HCN1: variants seen among roughly 807,000 people sequenced by gnomAD.
HCN1 encodes the protein potassium/sodium hyperpolarization-activated cyclic nucleotide-gated channel 1.
A neutral mutation model predicts 78.9 loss-of-function variants in HCN1; 13 were observed. That is an observed-to-expected ratio of 0.16 (90% confidence interval 0.11 to 0.26). HCN1 has a LOEUF of 0.26. HCN1 is among the 10% of genes least tolerant of loss of function. The pLI, the probability that HCN1 is intolerant of heterozygous loss-of-function variation, is 1.00. For synonymous variants in HCN1, 552 were observed against 455.5 expected (o/e 1.21, Z -2.70); for missense variants, 810 against 1,154.3 (o/e 0.70, Z 4.32).
chr5:45,605,233 T>C (rs1744700360), intron 2 of HCN1, among the ~76,000 whole-genome samples: 1 of 152,006 alleles, frequency 6.6e-6, no homozygotes, highest in South Asian at 2.1e-4. Context: ...TAACCTACTA[T>C]CTAACAACTT....
intron 6 of HCN1, among the ~76,000 whole-genome samples, chr5:45,280,471 G>T (rs779099287): frequency 2.0e-5 from 3 of 152,114 alleles, no homozygotes; most frequent in Admixed American, 2.0e-4. Context: ...GACATTTTGG[G>T]CCAGATAATT....
intron 5 of HCN1, among the ~76,000 whole-genome samples, chr5:45,329,564 C>T (rs1746304481): frequency 6.6e-6 from 1 of 151,316 alleles, no homozygotes; most frequent in Non-Finnish European, 1.5e-5. Context: ...TTTTAATGAA[C>T]ATATTGTACA....
At chr5:45,456,357 T>C (rs1175526492) in intron 3 of HCN1, among the ~76,000 whole-genome samples, 2 of 152,028 alleles carry the variant, frequency 1.3e-5, no homozygotes, top group East Asian at 1.9e-4. Flanking sequence ...AAAATGCTGA[T>C]AATTACCATT....
chr5:45,502,996 A>G (rs894957589), intron 2 of HCN1, among the ~76,000 whole-genome samples: 1 of 152,222 alleles, frequency 6.6e-6, no homozygotes, highest in Non-Finnish European at 1.5e-5. Flanking sequence ...AAAATACAAC[A>G]CAATAGTTAA....
intron 1 of HCN1, among the ~76,000 whole-genome samples, chr5:45,650,838 C>T (rs1489973476): frequency 2.0e-5 from 3 of 151,900 alleles, no homozygotes; most frequent in Non-Finnish European, 4.4e-5. Flanking sequence ...GAGAACTCCT[C>T]CTTGTTCCTA....
intron 2 of HCN1, among the ~76,000 whole-genome samples, chr5:45,464,383 T>C (rs1741226420): frequency 2.0e-5 from 3 of 152,114 alleles, no homozygotes. Flanking sequence ...TTCCATAATG[T>C]TAGGTAGTGC....
At chr5:45,373,111 T>C (rs1446422443) in intron 4 of HCN1, among the ~76,000 whole-genome samples, 1 of 130,616 alleles carries the variant, frequency 7.7e-6, no homozygotes, top group African/African-American at 2.8e-5. Context: ...AAAATACATA[T>C]AGTATATCAT....
At chr5:45,387,816 T>A (rs1747957848) in intron 4 of HCN1, among the ~76,000 whole-genome samples, 1 of 152,112 alleles carries the variant, frequency 6.6e-6, no homozygotes, top group African/African-American at 2.4e-5. Context: ...ATATACTATG[T>A]TTTATTCTTA....
chr5:45,627,071 T>C (rs569049459), intron 2 of HCN1, among the ~76,000 whole-genome samples: 85 of 152,094 alleles, frequency 5.6e-4, no homozygotes, highest in Non-Finnish European at 9.9e-4. Context: ...GTTCCAAATA[T>C]ATTTCTCAAA....
intron 2 of HCN1, among the ~76,000 whole-genome samples, chr5:45,550,994 G>A (rs1743356217): frequency 6.6e-6 from 1 of 151,926 alleles, no homozygotes; most frequent in South Asian, 2.1e-4. Flanking sequence ...ATTTTTGAAA[G>A]CCATGCACAG....
chr5:45,347,172 C>T (rs1746739818), intron 5 of HCN1, among the ~76,000 whole-genome samples: 2 of 152,160 alleles, frequency 1.3e-5, no homozygotes, highest in Admixed American at 6.5e-5. Flanking sequence ...CACAAAAACT[C>T]CAGAGGAACG....
At position 45,260,322 on chromosome 5, in the gene HCN1, C is replaced by T. The variant is rs929510859; in HGVS notation, c.*1599G>A. ...TTTCAATTGTGTTCCAGTCATACTC[C>T]ACATGTGTGGGATGCATTAGGCACA... On this transcript the variant is annotated 3_prime_UTR_variant, in exon 8 of 8. Coordinates refer to ENST00000303230, the MANE Select transcript of HCN1 (RefSeq NM_021072.4). 3 of 152,138 alleles carry T rather than the reference C, an allele frequency of 2.0e-5. No individual in the cohort carries two copies. The highest frequency in any genetic ancestry group is 2.0e-4 in the Admixed American group (3 of 15,262). 9.4% of individuals were successfully genotyped at this position (152,138 alleles called of 1,614,324 possible).
intron 2 of HCN1, among the ~76,000 whole-genome samples, chr5:45,607,853 T>C (rs561869618): frequency 5.3e-4 from 81 of 151,870 alleles, no homozygotes; most frequent in African/African-American, 1.6e-3. Context: ...TGTCACCTTC[T>C]CTACTCAACA....
At chr5:45,353,403 G>C (rs1035851746) in intron 4 of HCN1, among the ~76,000 whole-genome samples, 157 bp from the exon 5 acceptor site, 1 of 151,912 alleles carries the variant, frequency 6.6e-6, no homozygotes, top group South Asian at 2.1e-4. Flanking sequence ...TGGGTCTAAT[G>C]TACCTATTTT....
chr5:45,497,436 G>C (rs1742063660), intron 2 of HCN1, among the ~76,000 whole-genome samples: 1 of 152,192 alleles, frequency 6.6e-6, no homozygotes, highest in Non-Finnish European at 1.5e-5. Flanking sequence ...TTGTTGAATT[G>C]ATCCCTTTAC....
intron 4 of HCN1, among the ~76,000 whole-genome samples, chr5:45,371,751 C>G (rs1012481607): frequency 2.1e-5 from 3 of 139,978 alleles, no homozygotes; most frequent in African/African-American, 8.1e-5. Flanking sequence ...TGAGAGACTC[C>G]ATCTCAAAAA....
chr5:45,310,719 T>C (rs1745832045), intron 5 of HCN1, among the ~76,000 whole-genome samples: 1 of 152,128 alleles, frequency 6.6e-6, no homozygotes, highest in Admixed American at 6.5e-5. Context: ...CATGCATATG[T>C]TCATTGCAGC....
chr5:45,538,890 T>G (rs1348838282), intron 2 of HCN1, among the ~76,000 whole-genome samples: 1 of 152,202 alleles, frequency 6.6e-6, no homozygotes, highest in Non-Finnish European at 1.5e-5. Flanking sequence ...AATTGCTAGT[T>G]TCCAGGTTTC....
intron 2 of HCN1, among the ~76,000 whole-genome samples, chr5:45,640,435 G>A (rs1411621558): frequency 6.6e-6 from 1 of 152,136 alleles, no homozygotes; most frequent in Non-Finnish European, 1.5e-5. Context: ...AAAGCAAAAT[G>A]TGTGTAATAA....
Sources: allele counts gnomAD v4.1 joint callset (sites outside exome capture counted in the v4.1 genomes callset), GRCh38; gene constraint gnomAD v4.1.1; transcripts MANE v1.5; gene names NCBI Gene and HGNC (gene_info 2026-07-23, HGNC 2026-07-21).